The following CYFIP2 variants were observed in gnomAD, a reference collection of about 807,000 sequenced individuals.
CYFIP2 encodes cytoplasmic FMR1-interacting protein 2.
A neutral mutation model predicts 158.7 loss-of-function variants in CYFIP2; 29 were observed. The observed-to-expected ratio is 0.18, with a 90% confidence interval of 0.14 to 0.25. The LOEUF (loss-of-function observed/expected upper bound fraction) is 0.25. CYFIP2 is among the 10% of genes least tolerant of loss of function. The probability of loss-of-function intolerance (pLI) is 1.00; values close to 1 mark genes in which losing one functional copy is unlikely to be tolerated. For missense variants in CYFIP2, 852 were observed against 1,639.5 expected, an observed-to-expected ratio of 0.52 and a Z score of 8.29; for synonymous variants, 585 against 617.6, an observed-to-expected ratio of 0.95 and a Z score of 0.78.
chr5:157,338,873 A>G (rs928643773), intron 21 of CYFIP2, among the ~76,000 whole-genome samples, 184 bp from the exon 22 acceptor site: 1 of 152,160 alleles, frequency 6.6e-6, no homozygotes, highest in Non-Finnish European at 1.5e-5. Flanking sequence ...TAGTCTGACA[A>G]TCCTTCCACT....
At chr5:157,304,002 G>A (rs1391287449) in intron 7 of CYFIP2, among the ~76,000 whole-genome samples, 1 of 152,090 alleles carries the variant, frequency 6.6e-6, no homozygotes, top group Non-Finnish European at 1.5e-5. Context: ...GAACTGCCTG[G>A]GAATAAAATA....
rs1234805029 is a variant in CYFIP2, at chr5:157,334,104, AC to A, written c.2385+660del. 3.3e-5 allele frequency among the ~76,000 whole-genome samples: 5 copies of A among 152,354 alleles called. No homozygotes were observed. In the East Asian group the frequency reaches 9.6e-4, roughly 29 times the overall value. ...CAGAAGGAGTGGGAAATGGAAAATCACCGTTAGAACATAATAAAAATTGTAG... is the reference window on the plus strand; with the variant it reads ...CAGAAGGAGTGGGAAATGGAAAATCACGTTAGAACATAATAAAAATTGTAG... On this transcript the variant is annotated intron_variant, in intron 21 of 30. Transcript: ENST00000620254.
At chr5:157,269,953 C>A (rs183414677) in intron 1 of CYFIP2, among the ~76,000 whole-genome samples, 30 of 152,280 alleles carry the variant, frequency 2.0e-4, no homozygotes, top group African/African-American at 6.5e-4. Context: ...CAAAAAATAG[C>A]CATTTAAGCC....
chr5:157,297,837 T>A (rs1490409223), intron 5 of CYFIP2, among the ~76,000 whole-genome samples: 4 of 152,042 alleles, frequency 2.6e-5, no homozygotes, highest in African/African-American at 9.7e-5. Flanking sequence ...TGAAAAAAAA[T>A]AAAACGAGAC....
At position 157,343,612 on chromosome 5, in the gene CYFIP2, A is replaced by G. The variant is rs1244167474; in HGVS notation, c.2673+2455A>G. 4.8e-6 allele frequency: 6 copies of G among 1,239,152 alleles called. No individual in the cohort carries two copies. In the East Asian group the frequency reaches 1.5e-4, roughly 31 times the overall value. 76.8% of individuals were successfully genotyped at this position (1,239,152 alleles called of 1,614,324 possible). A position where few individuals can be genotyped will look rare whatever the true frequency, so the allele number is the denominator to read the frequency against. On this transcript the variant is annotated intron_variant, in intron 23 of 30. Transcript: ENST00000620254. ...GTATGTATTTATCATAATCATAGCCACCATTTATTGCACATTTGAGACGGG... is the reference window on the plus strand; with the variant it reads ...GTATGTATTTATCATAATCATAGCCGCCATTTATTGCACATTTGAGACGGG...
intron 1 of CYFIP2, among the ~76,000 whole-genome samples, chr5:157,268,275 A>AG (rs1461156396): frequency 6.6e-6 from 1 of 152,212 alleles, no homozygotes; most frequent in African/African-American, 2.4e-5. Context: ...CTGCTGGAAA[A>AG]TGAAAAAGGA....
chr5:157,276,940 T>A (rs1451611318), intron 1 of CYFIP2: 1 of 152,120 alleles, frequency 6.6e-6, no homozygotes, highest in Non-Finnish European at 1.5e-5. Context: ...AGAGAATCCC[T>A]AGAAAAAAAT....
At chr5:157,272,186 G>A (rs1463940035) in intron 1 of CYFIP2, among the ~76,000 whole-genome samples, 1 of 152,182 alleles carries the variant, frequency 6.6e-6, no homozygotes, top group Non-Finnish European at 1.5e-5. Flanking sequence ...CAACGAGGAG[G>A]ATAGGCCTTC....
chr5:157,315,620 T>C lies in CYFIP2; in HGVS notation c.1356+526T>C, dbSNP rs1436527904. 3.9e-5 allele frequency among the ~76,000 whole-genome samples: 6 copies of C among 152,248 alleles called. No homozygotes were observed. In the East Asian group the frequency reaches 1.2e-3, roughly 29 times the overall value. The stretch of plus-strand genomic sequence containing the variant: ...TAATGTGCATACCCTTTGGTGAAGT[T>C]CTTCTTCTGGGACTATATCCCAAGG... On this transcript the variant is annotated intron_variant, in intron 13 of 30. Transcript: ENST00000620254.
At chr5:157,291,845 CA>C (rs1426040668) in intron 3 of CYFIP2, among the ~76,000 whole-genome samples, 1 of 152,048 alleles carries the variant, frequency 6.6e-6, no homozygotes, top group African/African-American at 2.4e-5. Flanking sequence ...AAATAAAGTT[CA>C]TTTTTTAATA....
intron 26 of CYFIP2, among the ~76,000 whole-genome samples, chr5:157,369,878 A>AGTTTT (rs376008503): frequency 0.085 from 5,875 of 69,272 alleles, 624 homozygotes; most frequent in African/African-American, 0.26. Context: ...GAATGGACCT[A>AGTTTT]GTTTTTTTTT....
intron 23 of CYFIP2, 29 bp downstream of exon 23, chr5:157,341,186 A>T (rs781446686): frequency 3.1e-6 from 5 of 1,599,644 alleles, no homozygotes; most frequent in Non-Finnish European, 4.3e-6. Context: ...CCCTGCCTAG[A>T]AGAGGGTTGG....
intron 1 of CYFIP2, among the ~76,000 whole-genome samples, chr5:157,281,815 CCTT>C (rs1306405102): frequency 1.3e-5 from 2 of 152,044 alleles, no homozygotes; most frequent in African/African-American, 4.8e-5. Context: ...AACTGTTTTC[CCTT>C]CTTTTCCTGT....
intron 16 of CYFIP2, among the ~76,000 whole-genome samples, chr5:157,325,071 C>T (rs1483002246): frequency 1.3e-5 from 2 of 152,020 alleles, no homozygotes; most frequent in Non-Finnish European, 2.9e-5. Flanking sequence ...AACTCCTGAC[C>T]TCAAGTGATC....
chr5:157,358,445 AT>A (rs1173229898), intron 23 of CYFIP2, among the ~76,000 whole-genome samples: 1 of 152,160 alleles, frequency 6.6e-6, no homozygotes, highest in Non-Finnish European at 1.5e-5. Flanking sequence ...CATTTCATAG[AT>A]GTGGAAACTA....
At chr5:157,364,390 A>G (rs1406327644) in intron 26 of CYFIP2, 1 of 152,184 alleles carries the variant, frequency 6.6e-6, no homozygotes, top group Admixed American at 6.5e-5. Context: ...GGTCACTCAC[A>G]TGTATCACTG....
At chr5:157,335,827 A>G (rs905024878) in intron 21 of CYFIP2, among the ~76,000 whole-genome samples, 9 of 151,198 alleles carry the variant, frequency 6.0e-5, no homozygotes, top group Admixed American at 4.6e-4. Context: ...TTTTTTGTTT[A>G]TCTGTATCTT....
intron 21 of CYFIP2, among the ~76,000 whole-genome samples, chr5:157,334,585 C>T (rs1761717642): frequency 6.6e-6 from 1 of 151,880 alleles, no homozygotes. Context: ...TTAATATTAC[C>T]AGTAAGACAT....
chr5:157,385,693 T>C (rs932041898), intron 28 of CYFIP2, among the ~76,000 whole-genome samples: 1 of 152,220 alleles, frequency 6.6e-6, no homozygotes, highest in Non-Finnish European at 1.5e-5. Context: ...AATGGGATCA[T>C]AGCTGCTTTA....
Sources: gnomAD v4.1 joint callset for allele counts (sites outside exome capture counted in the v4.1 genomes callset) on GRCh38, gnomAD v4.1.1 for gene constraint, MANE v1.5 for transcripts, NCBI Gene and HGNC (gene_info 2026-07-23, HGNC 2026-07-21) for gene names.